MICAL3: variants seen among roughly 807,000 people sequenced by gnomAD.
MICAL3 encodes microtubule associated monooxygenase, calponin and LIM domain containing 3, also known as [F-actin]-monooxygenase MICAL3.
In MICAL3, 62 loss-of-function variants were observed where a neutral mutation model predicts 207.4. That is an observed-to-expected ratio of 0.30 (90% CI 0.24 to 0.37). MICAL3 has a LOEUF of 0.37. Ranked by LOEUF, MICAL3 falls within the 10% of genes least tolerant of loss-of-function variation. The pLI is 1.00. For missense variants in MICAL3, 2,368 were observed against 2,635.6 expected, an observed-to-expected ratio of 0.90 and a Z score of 2.22; for synonymous variants, 1,077 against 1,069.3, an observed-to-expected ratio of 1.01 and a Z score of -0.14.
chr22:17,819,812 G>A (rs1332921460), intron 25 of MICAL3, among the ~76,000 whole-genome samples: 1 of 151,736 alleles, frequency 6.6e-6, no homozygotes, highest in Non-Finnish European at 1.5e-5. Context: ...GTGTGGTGGT[G>A]GGTGCCTACA....
At chr22:18,006,877 G>A (rs1320233114) in intron 1 of MICAL3, among the ~76,000 whole-genome samples, 1 of 152,104 alleles carries the variant, frequency 6.6e-6, no homozygotes, top group Non-Finnish European at 1.5e-5. Context: ...TTTGTTTTGA[G>A]ACGGAGTCCC....
At chr22:17,859,972 C>T (rs1024413351) in intron 19 of MICAL3, among the ~76,000 whole-genome samples, 2 of 152,194 alleles carry the variant, frequency 1.3e-5, no homozygotes, top group African/African-American at 2.4e-5. Context: ...CCTCTGTTAA[C>T]GGGAAGCTAT....
rs1429041910 is a variant in MICAL3, at chr22:17,788,133, G to A, written c.*2599C>T. 1 of 152,286 alleles carries A rather than the reference G, an allele frequency of 6.6e-6. No individual in the cohort carries two copies. Among genetic ancestry groups the A allele is most frequent in the Non-Finnish European group, 1.5e-5 (1 of 68,056 alleles). 9.4% of individuals were successfully genotyped at this position (152,286 alleles called of 1,614,324 possible). On this transcript the variant is annotated 3_prime_UTR_variant, in exon 32 of 32. Transcript: ENST00000441493. ...AGCTTGAGAACGCTTGACGCAGGAA[G>A]TCACCAGAGTACTCAAGTCAACCGC...
At chr22:17,976,030 C>A (rs1307600294) in intron 1 of MICAL3, among the ~76,000 whole-genome samples, 2 of 148,516 alleles carry the variant, frequency 1.3e-5, no homozygotes, top group African/African-American at 5.1e-5. Flanking sequence ...GCCTGGGCGA[C>A]AGAGCCAGAC....
chr22:17,981,029 A>C (rs1287935890), intron 1 of MICAL3: 2 of 421,350 alleles, frequency 4.7e-6, no homozygotes, highest in African/African-American at 4.4e-5. Context: ...CACCCACTGC[A>C]GTACTGTGCT....
intron 1 of MICAL3, among the ~76,000 whole-genome samples, chr22:18,012,028 A>T (rs1396542944): frequency 6.6e-6 from 1 of 152,044 alleles, no homozygotes; most frequent in African/African-American, 2.4e-5. Context: ...TGAGGTCAGG[A>T]GTTCAAGACC....
intron 1 of MICAL3, among the ~76,000 whole-genome samples, chr22:18,012,403 T>C (rs1217511326): frequency 2.6e-5 from 4 of 152,066 alleles, no homozygotes; most frequent in Non-Finnish European, 5.9e-5. Flanking sequence ...GCCTCGGCCC[T>C]CATGGGGAGG....
chr22:17,953,930 CAAAA>C (rs59740388), intron 1 of MICAL3, among the ~76,000 whole-genome samples: 7 of 86,514 alleles, frequency 8.1e-5, no homozygotes, highest in African/African-American at 1.6e-4. Flanking sequence ...GACTCCATCT[CAAAA>C]AAAAAAAAAA....
intron 1 of MICAL3, among the ~76,000 whole-genome samples, chr22:17,922,998 G>A (rs1309491730): frequency 6.6e-6 from 1 of 152,090 alleles, no homozygotes; most frequent in Non-Finnish European, 1.5e-5. Flanking sequence ...TGGATCAAAT[G>A]CTTCTCCAAG....
intron 1 of MICAL3, among the ~76,000 whole-genome samples, chr22:17,976,589 ATTTTTTT>A (rs1195101695): frequency 1.5e-5 from 1 of 67,110 alleles, no homozygotes; most frequent in Non-Finnish European, 2.5e-5. Context: ...ATATATATAT[ATTTTTTT>A]TTTTTTTTTT....
In MICAL3 at chr22:17,902,836, T is replaced by C; in HGVS notation, c.473-89A>G. On this transcript the variant is annotated intron_variant, in intron 3 of 31. Transcript: ENST00000441493. The surrounding 1 kb of genome is among the most constrained non-coding windows in gnomAD (Gnocchi z 4.5). ...CAGCTCAGGCTCCCACCCCGCCACC[T>C]ACGCCCCCTTCATTCAGATTCCCAA... The C allele has an allele frequency of 2.7e-6, 2 of 738,512 alleles. No homozygotes were observed. Among genetic ancestry groups the C allele is most frequent in the Admixed American group, 2.3e-5 (1 of 43,172 alleles). The allele number at this position is 738,512 out of a possible 1,614,324, so 45.7% of individuals were successfully genotyped here.
At chr22:17,860,485 C>G in intron 19 of MICAL3, 1 of 985,426 alleles carries the variant, frequency 1.0e-6, no homozygotes, top group Non-Finnish European at 1.2e-6. Flanking sequence ...CTGAATGGCT[C>G]GGGAGAAAAG....
At position 17,818,654 on chromosome 22, in the gene MICAL3, C is replaced by T. The variant is rs962864913; in HGVS notation, c.4007G>A (p.Arg1336His). ...EFWMKSAEIR[R>H]SLGLTPVDRS... ...GTCCACAGGTGTGAGCCCGAGGCTG[C>T]GGCGGATCTCCGCACTCTTCATCCA... Residue 1336 changes from arginine to histidine, a missense_variant, in exon 26 of 32, where the codon CGC becomes CAC. Transcript: ENST00000441493. 6 of 1,613,528 alleles carry T rather than the reference C, an allele frequency of 3.7e-6. No individual in the cohort carries two copies. The highest frequency in any genetic ancestry group is 5.1e-6 in the Non-Finnish European group (6 of 1,179,898).
At chr22:17,975,393 G>A (rs113387463) in intron 1 of MICAL3, among the ~76,000 whole-genome samples, 187 of 152,102 alleles carry the variant, frequency 1.2e-3, no homozygotes, top group Non-Finnish European at 2.2e-3. Flanking sequence ...TACCCTACTT[G>A]ACTGACTTCC....
At chr22:17,876,903 G>A (rs1928552352) in intron 16 of MICAL3, 2 of 142,344 alleles carry the variant, frequency 1.4e-5, no homozygotes, top group South Asian at 4.2e-4. Context: ...GGAGGTTAGG[G>A]AGGTTAGGGA....
chr22:17,829,415 C>T (rs545900033), intron 21 of MICAL3, among the ~76,000 whole-genome samples: 5 of 152,280 alleles, frequency 3.3e-5, no homozygotes, highest in African/African-American at 4.8e-5. Context: ...GTGATCCACA[C>T]GCCTCGGCCT....
chr22:17,960,071 GAGA>G (rs1934827829), intron 1 of MICAL3, among the ~76,000 whole-genome samples: 1 of 152,232 alleles, frequency 6.6e-6, no homozygotes, highest in South Asian at 2.1e-4. Context: ...GACACAGGAA[GAGA>G]AGGTGTGCAC....
intron 1 of MICAL3, among the ~76,000 whole-genome samples, chr22:17,911,047 G>C (rs148086339): frequency 6.6e-6 from 1 of 152,196 alleles, no homozygotes; most frequent in Admixed American, 6.5e-5. Flanking sequence ...GGTGATGCCA[G>C]GTTTCCAGGC....
intron 19 of MICAL3, chr22:17,863,014 T>G (rs1926682983): frequency 1.0e-6 from 1 of 985,400 alleles, no homozygotes; most frequent in South Asian, 4.7e-5. Context: ...CTTGGTGGTT[T>G]TGCTCTTTAA....
Sources: gnomAD v4.1 joint callset for allele counts (sites outside exome capture counted in the v4.1 genomes callset) on GRCh38, gnomAD v4.1.1 for gene constraint, Gnocchi (gnomAD v3.1) non-coding constraint, MANE v1.5 for transcripts, NCBI Gene and HGNC (gene_info 2026-07-23, HGNC 2026-07-21) for gene names.